The following DENND5B variants were observed in gnomAD, a reference collection of about 807,000 sequenced individuals.
DENND5B encodes DENN domain-containing protein 5B.
Under a neutral mutation model 140.6 loss-of-function variants are expected in DENND5B, and 34 were observed. That is an observed-to-expected ratio of 0.24 (90% CI 0.18 to 0.32). The LOEUF (loss-of-function observed/expected upper bound fraction) is 0.32, where lower values mean the gene tolerates loss of function less well. DENND5B is among the 10% of genes least tolerant of loss of function. DENND5B has a pLI of 1.00. For missense variants in DENND5B, 1,142 were observed against 1,560.2 expected, an observed-to-expected ratio of 0.73 and a Z score of 4.52; for synonymous variants, 551 against 562.1, an observed-to-expected ratio of 0.98 and a Z score of 0.28.
chr12:31,468,082 C>T (rs559613601), intron 3 of DENND5B, among the ~76,000 whole-genome samples: 22 of 151,868 alleles, frequency 1.4e-4, no homozygotes, highest in Non-Finnish European at 2.2e-4. Flanking sequence ...ACAGAGACCC[C>T]ACCTCTAAAA....
intron 8 of DENND5B, among the ~76,000 whole-genome samples, chr12:31,430,457 T>G (rs1943457923): frequency 1.6e-5 from 2 of 123,218 alleles, no homozygotes; most frequent in Non-Finnish European, 3.2e-5. Context: ...ATCGAGACCA[T>G]CCTGGCCAAC....
Position 31,398,222 on chromosome 12 carries a change from G to T in DENND5B, c.3209C>A (p.Thr1070Asn). 6.2e-7 allele frequency: 1 copy of T among 1,605,380 alleles called. No homozygotes were observed. The highest frequency in any genetic ancestry group is 2.2e-5 in the East Asian group (1 of 44,632). ...AGTGATGCTCAATCTCCTAGCCGTG[G>T]TGGGTGACTTCTGCTGGGGTGGAGT... ...CRTPPQQKSP[T>N]TARRLSITSL... The change falls in exon 17 of 21, where the codon ACC becomes AAC. Residue 1070 changes from threonine to asparagine, a missense_variant. Physicochemically the swap from Thr to Asn is moderately conservative, Grantham distance 65 (BLOSUM62 0). Transcript: ENST00000389082.
At chr12:31,400,577 A>G (rs1484789542) in intron 15 of DENND5B, among the ~76,000 whole-genome samples, 1 of 152,118 alleles carries the variant, frequency 6.6e-6, no homozygotes, top group Non-Finnish European at 1.5e-5. Flanking sequence ...TTAATTTTTA[A>G]TTTTTATGGG....
At chr12:31,484,945 C>T (rs1337033966) in intron 2 of DENND5B, among the ~76,000 whole-genome samples, 1 of 152,126 alleles carries the variant, frequency 6.6e-6, no homozygotes, top group Non-Finnish European at 1.5e-5. Flanking sequence ...AGACAACCGG[C>T]GATGACCAGC....
At chr12:31,530,627 T>A (rs1948248760) in intron 1 of DENND5B, among the ~76,000 whole-genome samples, 1 of 152,178 alleles carries the variant, frequency 6.6e-6, no homozygotes, top group Non-Finnish European at 1.5e-5. Context: ...TATTAAATTT[T>A]AAAAATAGAA....
intron 19 of DENND5B, 54 bp downstream of exon 19, chr12:31,392,213 G>A (rs987468076): frequency 6.2e-5 from 99 of 1,598,440 alleles, no homozygotes; most frequent in Non-Finnish European, 8.4e-5. Flanking sequence ...GGGTCTTTGA[G>A]TTCCTAAGAA....
intron 15 of DENND5B, among the ~76,000 whole-genome samples, chr12:31,401,197 C>A (rs959224018): frequency 6.6e-6 from 1 of 152,158 alleles, no homozygotes; most frequent in South Asian, 2.1e-4. Flanking sequence ...GAAGGCATCA[C>A]CATGCTCTAA....
intron 17 of DENND5B, among the ~76,000 whole-genome samples, chr12:31,393,225 C>T (rs1174215872): frequency 2.6e-5 from 4 of 152,206 alleles, no homozygotes; most frequent in Non-Finnish European, 5.9e-5. Context: ...TGCTACCTAC[C>T]TACAAGCCTG....
rs1280943928 is a variant in DENND5B at position 31,415,554 on chromosome 12, T to C, written c.2471-106A>G. The C allele has an allele frequency of 1.2e-5, 11 of 880,952 alleles. No individual in the cohort carries two copies. In the Admixed American group the frequency reaches 1.9e-4, roughly 15 times the overall value. 54.6% of individuals were successfully genotyped at this position (880,952 alleles called of 1,614,324 possible). A position where few individuals can be genotyped will look rare whatever the true frequency, so the allele number is the denominator to read the frequency against. On this transcript the variant is annotated intron_variant, in intron 11 of 20. Transcript: ENST00000389082. Reference sequence around the variant, plus strand: ...TCGATAAGAACAAATTTTAACAATATATATCATCTAGCCCAAAATGTCAAA... The same window carrying C: ...TCGATAAGAACAAATTTTAACAATACATATCATCTAGCCCAAAATGTCAAA...
intron 15 of DENND5B, among the ~76,000 whole-genome samples, chr12:31,402,296 G>C (rs944732234): frequency 6.6e-6 from 1 of 152,098 alleles, no homozygotes; most frequent in Non-Finnish European, 1.5e-5. Context: ...GTGAAAAATA[G>C]AGCTTAACAA....
chr12:31,535,409 G>C (rs113482094), intron 1 of DENND5B, among the ~76,000 whole-genome samples: 2,835 of 150,038 alleles, frequency 0.019, 89 homozygotes, highest in African/African-American at 0.06. Context: ...GAGAGAGAGA[G>C]ACACACACAC....
At chr12:31,427,947 G>A (rs1387472829) in intron 8 of DENND5B, among the ~76,000 whole-genome samples, 1 of 152,082 alleles carries the variant, frequency 6.6e-6, no homozygotes, top group Non-Finnish European at 1.5e-5. Context: ...AATCTGCTAA[G>A]TCTGGTACAA....
chr12:31,514,372 C>T (rs1006639720), intron 1 of DENND5B, among the ~76,000 whole-genome samples: 1 of 152,122 alleles, frequency 6.6e-6, no homozygotes, highest in Non-Finnish European at 1.5e-5. Context: ...AGAATGTATC[C>T]TCATCGTTAG....
chr12:31,547,385 C>T (rs987976484), intron 1 of DENND5B, among the ~76,000 whole-genome samples: 4 of 152,000 alleles, frequency 2.6e-5, no homozygotes, highest in African/African-American at 4.8e-5. Context: ...TGAAAATTTC[C>T]GGCTAGCAAA....
rs115222984 is a variant in DENND5B at position 31,507,765 on chromosome 12, T to C, written c.128-11846A>G. On this transcript the variant is annotated intron_variant, in intron 1 of 20. Coordinates refer to ENST00000389082, the MANE Select transcript of DENND5B (RefSeq NM_144973.4). ...ATAATTTTTATTATTCTGAAGAACA[T>C]CTAAGTGATTTTCAAATAATAAATA... Among the ~76,000 whole-genome samples, 96 of 152,328 alleles carry C rather than the reference T, an allele frequency of 6.3e-4. No individual in the cohort carries two copies. In the East Asian group the frequency reaches 8.3e-3, roughly 13 times the overall value.
At chr12:31,444,635 T>C (rs1944195942) in intron 6 of DENND5B, among the ~76,000 whole-genome samples, 1 of 152,218 alleles carries the variant, frequency 6.6e-6, no homozygotes, top group South Asian at 2.1e-4. Flanking sequence ...CTATTTTAAT[T>C]GGAAAGACTT....
intron 1 of DENND5B, among the ~76,000 whole-genome samples, chr12:31,557,211 T>C (rs1238510033): frequency 6.6e-6 from 1 of 152,188 alleles, no homozygotes; most frequent in Non-Finnish European, 1.5e-5. Flanking sequence ...AAGTTAATTA[T>C]ACAGGCATAG....
At chr12:31,522,696 T>C (rs1448719943) in intron 1 of DENND5B, among the ~76,000 whole-genome samples, 1 of 152,142 alleles carries the variant, frequency 6.6e-6, no homozygotes, top group Non-Finnish European at 1.5e-5. Context: ...ACACCTGCCC[T>C]GGCCTCACCC....
At chr12:31,403,383 T>C (rs1941918946) in intron 14 of DENND5B, among the ~76,000 whole-genome samples, 1 of 131,678 alleles carries the variant, frequency 7.6e-6, no homozygotes, top group African/African-American at 2.6e-5. Context: ...CTCCCTTCTT[T>C]TTTTTTCTTT....
Sources: allele counts gnomAD v4.1 joint callset (sites outside exome capture counted in the v4.1 genomes callset), GRCh38; gene constraint gnomAD v4.1.1; transcripts MANE v1.5; gene names NCBI Gene and HGNC (gene_info 2026-07-23, HGNC 2026-07-21).